The following LPAR3 variants were observed in gnomAD, a reference collection of about 807,000 sequenced individuals.
LPAR3 encodes the protein lysophosphatidic acid receptor 3, also known as LPA receptor 3.
Under a neutral mutation model 17.8 loss-of-function variants are expected in LPAR3, and 7 were observed. The observed-to-expected ratio is 0.39, with a 90% CI of 0.22 to 0.74. The LOEUF (loss-of-function observed/expected upper bound fraction) is 0.74, where lower values mean the gene tolerates loss of function less well. Ranked by LOEUF, LPAR3 falls within the 30% of genes least tolerant of loss-of-function variation. LPAR3 has a pLI of 0.40. For synonymous variants in LPAR3, 179 were observed against 179.9 expected (o/e 0.99, Z 0.04); for missense variants, 391 against 453.4 (o/e 0.86, Z 1.25).
intron 1 of LPAR3, among the ~76,000 whole-genome samples, chr1:84,870,799 C>T (rs1384196448): frequency 1.3e-5 from 2 of 152,154 alleles, no homozygotes; most frequent in Non-Finnish European, 2.9e-5. Flanking sequence ...CGTTCTACAG[C>T]CTGCATTCTT....
At chr1:84,877,512 T>C (rs138846186) in intron 1 of LPAR3, among the ~76,000 whole-genome samples, 30 of 152,324 alleles carry the variant, frequency 2.0e-4, no homozygotes, top group Non-Finnish European at 4.3e-4. Context: ...AGCTCTTCCA[T>C]ATTCCACAGC....
Position 84,812,423 on chromosome 1 carries a change from C to CTTTTTTTTTTTTTTTTT in LPAR3, c.*1406_*1422dup, listed in dbSNP as rs10579519. The stretch of plus-strand genomic sequence containing the variant: ...CATGTGTTCCCTGACATTCTCTAGT[C>CTTTTTTTTTTTTTTTTT]TTTTTTTTTTTTTTTTTTTTTTTTT... On this transcript the variant is annotated 3_prime_UTR_variant, in exon 3 of 3. Coordinates refer to ENST00000370611, the MANE Select transcript of LPAR3 (RefSeq NM_012152.3). 1.3e-5 allele frequency: 1 copy of CTTTTTTTTTTTTTTTTT among 75,090 alleles called. No individual in the cohort carries two copies. The highest frequency in any genetic ancestry group is 2.3e-5 in the Non-Finnish European group (1 of 42,844). The allele number at this position is 75,090 out of a possible 1,614,324, so 4.7% of individuals were successfully genotyped here. A position where few individuals can be genotyped will look rare whatever the true frequency, so the allele number is the denominator to read the frequency against.
intron 2 of LPAR3, among the ~76,000 whole-genome samples, chr1:84,824,083 T>A (rs1309025513): frequency 6.6e-6 from 1 of 152,158 alleles, no homozygotes; most frequent in East Asian, 1.9e-4. Context: ...ATAAGAGATG[T>A]CTCTAATGGG....
intron 2 of LPAR3, among the ~76,000 whole-genome samples, chr1:84,859,737 T>G (rs936899531): frequency 1.3e-5 from 2 of 152,104 alleles, no homozygotes; most frequent in African/African-American, 4.8e-5. Flanking sequence ...GACAGGAGGG[T>G]TCATGGAAGA....
At position 84,813,158 on chromosome 1, in the gene LPAR3, T is replaced by TATATAGAGAGAGAG. The variant is rs1206774677; in HGVS notation, c.*687_*688insCTCTCTCTCTATAT. On this transcript the variant is annotated 3_prime_UTR_variant, in exon 3 of 3. Coordinates refer to ENST00000370611, the MANE Select transcript of LPAR3 (RefSeq NM_012152.3). ...ATATATATATATATATATATATATATAGACACACACACACACACACACACA... is the reference window on the plus strand; with the variant it reads ...ATATATATATATATATATATATATATATATAGAGAGAGAGAGACACACACACACACACACACACA... 1.1e-4 allele frequency: 11 copies of TATATAGAGAGAGAG among 101,692 alleles called. No homozygotes were observed. In the East Asian group the frequency reaches 1.4e-3, roughly 13 times the overall value. 6.3% of individuals were successfully genotyped at this position (101,692 alleles called of 1,614,324 possible).
intron 1 of LPAR3, among the ~76,000 whole-genome samples, chr1:84,882,604 T>C (rs1230769384): frequency 6.6e-6 from 1 of 152,212 alleles, no homozygotes; most frequent in Admixed American, 6.5e-5. Context: ...AAGCTATGTA[T>C]GGTAGTATGG....
At chr1:84,816,300 T>C (rs1034787134) in intron 2 of LPAR3, among the ~76,000 whole-genome samples, 2 of 152,186 alleles carry the variant, frequency 1.3e-5, no homozygotes, top group Non-Finnish European at 2.9e-5. Context: ...TCAAATTTGT[T>C]TGAGTTTTAT....
At chr1:84,851,198 G>T (rs1230852079) in intron 2 of LPAR3, among the ~76,000 whole-genome samples, 1 of 152,204 alleles carries the variant, frequency 6.6e-6, no homozygotes, top group African/African-American at 2.4e-5. Context: ...CAATAGAGTT[G>T]TTATTAGAAA....
chr1:84,883,661 A>G (rs1660404180), intron 1 of LPAR3, among the ~76,000 whole-genome samples: 1 of 152,104 alleles, frequency 6.6e-6, no homozygotes, highest in Non-Finnish European at 1.5e-5. Flanking sequence ...GAAGAAATGT[A>G]GAAATTGGGG....
At chr1:84,831,894 C>A (rs1659291132) in intron 2 of LPAR3, among the ~76,000 whole-genome samples, 1 of 150,822 alleles carries the variant, frequency 6.6e-6, no homozygotes. Flanking sequence ...TATATACACA[C>A]ATATGCACAT....
chr1:84,867,434 A>T (rs9324145), intron 1 of LPAR3, among the ~76,000 whole-genome samples: 3 of 151,926 alleles, frequency 2.0e-5, no homozygotes, highest in African/African-American at 4.8e-5. Flanking sequence ...AAGCTCAGTA[A>T]AAGCCCCCAG....
intron 1 of LPAR3, among the ~76,000 whole-genome samples, chr1:84,892,260 A>C (rs1009532261): frequency 5.7e-5 from 6 of 105,814 alleles, no homozygotes; most frequent in African/African-American, 1.1e-4. Context: ...TAAATAAATA[A>C]AAACTAACCT....
Position 84,849,361 on chromosome 1 carries a change from G to C in LPAR3, c.736+16024C>G, listed in dbSNP as rs189870205. On this transcript the variant is annotated intron_variant, in intron 2 of 2. Coordinates refer to ENST00000370611, the MANE Select transcript of LPAR3 (RefSeq NM_012152.3). Reference sequence around the variant, plus strand: ...CTGCACTCTAGCCTGGTGACAGAGTGAGACTCATCTCAAAAAAAAAAAAAA... The same window carrying C: ...CTGCACTCTAGCCTGGTGACAGAGTCAGACTCATCTCAAAAAAAAAAAAAA... 1.6e-3 allele frequency among the ~76,000 whole-genome samples: 176 copies of C among 108,324 alleles called. 5 individuals carry two copies. In the Admixed American group the frequency reaches 0.021, roughly 13 times the overall value. 71.1% of individuals were successfully genotyped at this position (108,324 alleles called of 152,430 possible).
intron 2 of LPAR3, among the ~76,000 whole-genome samples, chr1:84,843,457 C>T (rs991782255): frequency 1.3e-5 from 2 of 152,206 alleles, no homozygotes; most frequent in Non-Finnish European, 2.9e-5. Flanking sequence ...GGCAAAGCAG[C>T]AGAAGAAGGA....
chr1:84,853,357 T>C (rs758588158), intron 2 of LPAR3, among the ~76,000 whole-genome samples: 8 of 151,698 alleles, frequency 5.3e-5, no homozygotes, highest in Non-Finnish European at 5.9e-5. Flanking sequence ...GGAAGGGAAA[T>C]TAAGGGAGTT....
At chr1:84,884,788 G>C (rs1008002915) in intron 1 of LPAR3, among the ~76,000 whole-genome samples, 7 of 152,196 alleles carry the variant, frequency 4.6e-5, no homozygotes, top group Admixed American at 1.3e-4. Context: ...AGCAATCCAT[G>C]GAAAGTTAAC....
At chr1:84,833,255 T>C (rs1172720421) in intron 2 of LPAR3, among the ~76,000 whole-genome samples, 1 of 152,246 alleles carries the variant, frequency 6.6e-6, no homozygotes, top group African/African-American at 2.4e-5. Context: ...TAAAACTTCC[T>C]GTTTCAAAAT....
At chr1:84,885,675 A>C (rs1468601142) in intron 1 of LPAR3, among the ~76,000 whole-genome samples, 1 of 152,138 alleles carries the variant, frequency 6.6e-6, no homozygotes, top group African/African-American at 2.4e-5. Flanking sequence ...AGCTAGAGGG[A>C]CTGGAGACTG....
chr1:84,884,149 T>C lies in LPAR3; in HGVS notation c.-19+8867A>G, dbSNP rs554868844. Among the ~76,000 whole-genome samples the C allele has an allele frequency of 4.6e-5, 7 of 152,358 alleles. No homozygotes were observed. In the South Asian group the frequency reaches 1.4e-3, roughly 32 times the overall value. On this transcript the variant is annotated intron_variant, in intron 1 of 2. Coordinates refer to ENST00000370611, the MANE Select transcript of LPAR3 (RefSeq NM_012152.3). ...CTTTGTTCTCCCTTGCCTTTACCTA[T>C]CTAAAAAAGTTTTAGGCTCTTAGCA...
Sources: gnomAD v4.1 joint callset for allele counts (sites outside exome capture counted in the v4.1 genomes callset) on GRCh38, gnomAD v4.1.1 for gene constraint, MANE v1.5 for transcripts, NCBI Gene and HGNC (gene_info 2026-07-23, HGNC 2026-07-21) for gene names.